The following ADCY5 variants were observed in gnomAD, a reference collection of about 807,000 sequenced individuals.
The protein encoded by ADCY5 is adenylate cyclase 5, also known as adenylate cyclase type 5.
In ADCY5, 30 loss-of-function variants were observed where a neutral mutation model predicts 119.7. The ratio of observed to expected loss-of-function variants is 0.25; its 90% CI spans 0.19 to 0.34. The LOEUF (loss-of-function observed/expected upper bound fraction) is 0.34. ADCY5 is among the 10% of genes least tolerant of loss of function. The pLI is 1.00. For synonymous variants in ADCY5, 753 were observed against 762.2 expected (o/e 0.99, Z 0.20); for missense variants, 1,324 against 1,775.2 (o/e 0.75, Z 4.57).
intron 1 of ADCY5, chr3:123,416,073 A>T: frequency 1.7e-6 from 2 of 1,202,170 alleles, no homozygotes; most frequent in Non-Finnish European, 2.3e-6. Context: ...GTCAGGGGTT[A>T]CAGTACAGGC....
chr3:123,297,009 G>A, intron 16 of ADCY5: 1 of 1,536,102 alleles, frequency 6.5e-7, no homozygotes, highest in Non-Finnish European at 8.7e-7. Flanking sequence ...AGGGAAAGTA[G>A]GTACCAGCTT....
At chr3:123,416,740 C>T (rs28371826) in intron 1 of ADCY5, among the ~76,000 whole-genome samples, 25 of 152,056 alleles carry the variant, frequency 1.6e-4, no homozygotes, top group Non-Finnish European at 2.5e-4. Context: ...TGCCCCATTA[C>T]GGACCCCAGG....
chr3:123,375,599 T>A (rs1396827165), intron 1 of ADCY5, among the ~76,000 whole-genome samples: 1 of 152,242 alleles, frequency 6.6e-6, no homozygotes, highest in African/African-American at 2.4e-5. Context: ...TGGGAAAGAA[T>A]GTCTTCAGCT....
chr3:123,426,597 C>T (rs913532747), intron 1 of ADCY5, among the ~76,000 whole-genome samples: 1 of 152,162 alleles, frequency 6.6e-6, no homozygotes, highest in Non-Finnish European at 1.5e-5. Flanking sequence ...TCCCAAAGTG[C>T]TGGGATTACG....
chr3:123,396,038 G>GAGGGAGGGAAGGAGGA (rs1944543703), intron 1 of ADCY5, among the ~76,000 whole-genome samples: 1 of 106,762 alleles, frequency 9.4e-6, no homozygotes, highest in Non-Finnish European at 1.9e-5. Context: ...GGGAGAGAGG[G>GAGGGAGGGAAGGAGGA]AGGGAGGGAG....
rs186012837 is a variant in ADCY5, at chr3:123,348,378, C to T, written c.1285-475G>A. On this transcript the variant is annotated intron_variant, in intron 2 of 20. Coordinates refer to ENST00000462833, the MANE Select transcript of ADCY5 (RefSeq NM_183357.3). ...TATTGAGCACCTACCATGTGCCAGG[C>T]ACTATTCTGGGGACCAAGTGAGTTA... Among the ~76,000 whole-genome samples the T allele has an allele frequency of 1.6e-3, 240 of 152,272 alleles. 1 individual carries two copies. Among genetic ancestry groups the T allele is most frequent in the African/African-American group, 5.6e-3 (234 of 41,554 alleles).
intron 8 of ADCY5, among the ~76,000 whole-genome samples, chr3:123,322,784 A>T (rs939946248): frequency 1.3e-5 from 2 of 152,210 alleles, no homozygotes; most frequent in Non-Finnish European, 2.9e-5. Context: ...CTAAGCATCA[A>T]CCAGCACGGC....
Position 123,352,328 on chromosome 3 carries a change from T to C in ADCY5, c.1284+104A>G. ...TTGGTCCCCTCCCGGGGAGTGGGGC[T>C]GGCAGCCGTAATAAGCACTGCCCGC... On this transcript the variant is annotated intron_variant, in intron 2 of 20. Transcript: ENST00000462833. The surrounding 1 kb of genome is among the most constrained non-coding windows in gnomAD (Gnocchi z 4.8). 1 of 1,386,274 alleles carries C rather than the reference T, an allele frequency of 7.2e-7. No individual in the cohort carries two copies. Among genetic ancestry groups the C allele is most frequent in the Non-Finnish European group, 9.6e-7 (1 of 1,042,944 alleles). 85.9% of individuals were successfully genotyped at this position (1,386,274 alleles called of 1,614,324 possible).
intron 1 of ADCY5, among the ~76,000 whole-genome samples, chr3:123,420,645 A>G (rs1002805874): frequency 2.0e-5 from 3 of 152,140 alleles, no homozygotes; most frequent in African/African-American, 4.8e-5. Context: ...CAGTTCTGAC[A>G]CTGTTTGTCC....
chr3:123,422,701 C>T (rs1221145934), intron 1 of ADCY5, among the ~76,000 whole-genome samples: 2 of 152,198 alleles, frequency 1.3e-5, no homozygotes, highest in South Asian at 2.1e-4. Context: ...TGTAAGGACT[C>T]GCCTCCTCCC....
At chr3:123,317,009 G>T (rs1940944279) in intron 11 of ADCY5, among the ~76,000 whole-genome samples, 1 of 149,278 alleles carries the variant, frequency 6.7e-6, no homozygotes, top group East Asian at 1.9e-4. Flanking sequence ...GTAAAAATAT[G>T]TATTTATACA....
chr3:123,293,492 G>A (rs1939296838), intron 17 of ADCY5, among the ~76,000 whole-genome samples: 1 of 152,118 alleles, frequency 6.6e-6, no homozygotes, highest in African/African-American at 2.4e-5. Context: ...GCCACAGGCT[G>A]GCAGGTAGAC....
At chr3:123,433,637 T>C (rs1945559216) in intron 1 of ADCY5, among the ~76,000 whole-genome samples, 2 of 152,110 alleles carry the variant, frequency 1.3e-5, no homozygotes, top group Admixed American at 1.3e-4. Context: ...AGAGACACCC[T>C]AGAAACGCTC....
chr3:123,391,344 C>T (rs1944396529), intron 1 of ADCY5, among the ~76,000 whole-genome samples: 1 of 152,206 alleles, frequency 6.6e-6, no homozygotes, highest in Non-Finnish European at 1.5e-5. Context: ...ACTGTCTAAA[C>T]ACTTCCAGAT....
At chr3:123,325,716 T>A (rs1239771658) in intron 7 of ADCY5, among the ~76,000 whole-genome samples, 1 of 152,156 alleles carries the variant, frequency 6.6e-6, no homozygotes. Flanking sequence ...GTTGGTCTTG[T>A]GAGAAAGCAA....
chr3:123,306,549 A>G (rs1271738158), intron 12 of ADCY5, among the ~76,000 whole-genome samples: 1 of 152,228 alleles, frequency 6.6e-6, no homozygotes, highest in Non-Finnish European at 1.5e-5. Flanking sequence ...ATCAAAATTA[A>G]TTATTTTTGT....
At chr3:123,307,217 C>T (rs1001292749) in intron 12 of ADCY5, among the ~76,000 whole-genome samples, 2 of 152,182 alleles carry the variant, frequency 1.3e-5, no homozygotes, top group African/African-American at 2.4e-5. Context: ...GTTCATTCAC[C>T]TTTATAAAGG....
Position 123,344,631 on chromosome 3 carries a change from G to A in ADCY5, c.1406+3151C>T, listed in dbSNP as rs940213438. ...ATGTGCAGAACTGCTTAACCCCAGC[G>A]CCTAGGCCTAACCACTGTGCCCCGC... On this transcript the variant is annotated intron_variant, in intron 3 of 20. Coordinates refer to ENST00000462833, the MANE Select transcript of ADCY5 (RefSeq NM_183357.3). 5.3e-5 allele frequency among the ~76,000 whole-genome samples: 8 copies of A among 152,098 alleles called. No homozygotes were observed. The East Asian group carries it at 5.8e-4, about 11-fold the overall frequency.
At chr3:123,414,956 T>C (rs1473087161) in intron 1 of ADCY5, among the ~76,000 whole-genome samples, 1 of 152,160 alleles carries the variant, frequency 6.6e-6, no homozygotes, top group Non-Finnish European at 1.5e-5. Context: ...GCACAGGTAG[T>C]CATAGCCAGA....
Sources: allele counts gnomAD v4.1 joint callset (sites outside exome capture counted in the v4.1 genomes callset), GRCh38; gene constraint gnomAD v4.1.1; non-coding constraint Gnocchi (gnomAD v3.1); transcripts MANE v1.5; gene names NCBI Gene and HGNC (gene_info 2026-07-23, HGNC 2026-07-21).